RALY: variants seen among roughly 807,000 people sequenced by gnomAD.
RALY encodes RNA-binding protein Raly.
A neutral mutation model predicts 30.7 loss-of-function variants in RALY; 15 were observed. That is an observed-to-expected ratio of 0.49 (90% confidence interval 0.33 to 0.75). The LOEUF (loss-of-function observed/expected upper bound fraction) is 0.75, where lower values mean the gene tolerates loss of function less well. RALY is among the 30% of genes least tolerant of loss of function. The pLI, the probability that RALY is intolerant of heterozygous loss-of-function variation, is 0.02. For missense variants in RALY, 339 were observed against 414.3 expected, an observed-to-expected ratio of 0.82 and a Z score of 1.58; for synonymous variants, 177 against 170.8, an observed-to-expected ratio of 1.04 and a Z score of -0.28.
intron 1 of RALY, among the ~76,000 whole-genome samples, chr20:34,002,715 T>A (rs1184308599): frequency 6.6e-6 from 1 of 152,182 alleles, no homozygotes; most frequent in African/African-American, 2.4e-5. Context: ...TCAAGAATAT[T>A]AGAGTAGGGG....
At chr20:34,064,406 AGATATGGATACCAAT>A (rs1482779939) in intron 2 of RALY, among the ~76,000 whole-genome samples, 1 of 152,140 alleles carries the variant, frequency 6.6e-6, no homozygotes, top group Non-Finnish European at 1.5e-5. Flanking sequence ...AGGGCCCATT[AGATATGGATACCAAT>A]GTCAGTAGTA....
intron 1 of RALY, among the ~76,000 whole-genome samples, chr20:34,001,608 G>A (rs2030917373): frequency 6.6e-6 from 1 of 152,142 alleles, no homozygotes; most frequent in African/African-American, 2.4e-5. Flanking sequence ...TGCTTACATG[G>A]TGTCTCTTGA....
intron 2 of RALY, chr20:34,049,203 G>T (rs546093267): frequency 1.3e-5 from 2 of 154,126 alleles, no homozygotes; most frequent in African/African-American, 2.4e-5. Context: ...CTAGAGTGGA[G>T]AATTGAGGAA....
rs530314754 is a variant in RALY, at chr20:34,018,264, A to C, written c.-92-13258A>C. On this transcript the variant is annotated intron_variant, in intron 1 of 9. Coordinates refer to ENST00000246194, the MANE Select transcript of RALY (RefSeq NM_016732.3). The stretch of plus-strand genomic sequence containing the variant: ...GTAGGGAGGAGAAGATTGATTTATT[A>C]GCAAGTACCAACTGAAACTTATTTC... 2.8e-4 allele frequency among the ~76,000 whole-genome samples: 43 copies of C among 152,358 alleles called. 1 individual carries two copies. Among genetic ancestry groups the C allele is most frequent in the African/African-American group, 9.6e-4 (40 of 41,588 alleles).
chr20:34,063,173 T>C (rs546628487), intron 2 of RALY, among the ~76,000 whole-genome samples: 1 of 152,326 alleles, frequency 6.6e-6, no homozygotes, highest in South Asian at 2.1e-4. Flanking sequence ...CATCACTATC[T>C]CATAGCAGAA....
Position 34,073,983 on chromosome 20 carries a change from T to C in RALY, c.377+117T>C, listed in dbSNP as rs189644248. 5 of 1,194,738 alleles carry C rather than the reference T, an allele frequency of 4.2e-6. No individual in the cohort carries two copies. In the Admixed American group the frequency reaches 1.1e-4, roughly 25 times the overall value. The allele number at this position is 1,194,738 out of a possible 1,614,324, so 74.0% of individuals were successfully genotyped here. On this transcript the variant is annotated intron_variant, in intron 5 of 9. Transcript: ENST00000246194. ...GAGAACCAAAACCCAGAGGTTTGCC[T>C]GGGGTTGCTCCACCAGTCGGTAGCA... is the stretch of plus-strand genomic sequence containing the variant.
chr20:34,073,822 C>T lies in RALY; in HGVS notation c.333C>T (p.Gly111=), dbSNP rs1380463386. ...CCTCTCCCCTTTGTTTCCCCAGTGGCTACATCTTTGACTATGATTACTACC... is the reference window on the plus strand; with the variant it reads ...CCTCTCCCCTTTGTTTCCCCAGTGGTTACATCTTTGACTATGATTACTACC... ...LKRAASAIYS[G]YIFDYDYYRD... Residue 111 remains glycine, a synonymous_variant, in exon 5 of 10, where the codon GGC becomes GGT. Coordinates refer to ENST00000246194, the MANE Select transcript of RALY (RefSeq NM_016732.3). The T allele has an allele frequency of 1.9e-6, 3 of 1,614,126 alleles. No individual in the cohort carries two copies. The highest frequency in any genetic ancestry group is 2.2e-5 in the East Asian group (1 of 44,876).
At chr20:34,005,379 C>T (rs954701357) in intron 1 of RALY, among the ~76,000 whole-genome samples, 9 of 151,982 alleles carry the variant, frequency 5.9e-5, no homozygotes, top group Non-Finnish European at 1.0e-4. Context: ...CGTGGTGGCG[C>T]GTGCCTGTAA....
At chr20:34,000,421 C>T in intron 1 of RALY, among the ~76,000 whole-genome samples, 1 of 152,302 alleles carries the variant, frequency 6.6e-6, no homozygotes, top group African/African-American at 2.4e-5. Context: ...TCTCTCACTT[C>T]TCCCCTCTCT....
At chr20:34,059,618 C>A (rs371029320) in intron 2 of RALY, among the ~76,000 whole-genome samples, 1 of 152,202 alleles carries the variant, frequency 6.6e-6, no homozygotes, top group Non-Finnish European at 1.5e-5. Context: ...CAGGCCCCAG[C>A]GCTCTACAGG....
chr20:34,080,865 C>T lies in RALY; in HGVS notation c.*960C>T, dbSNP rs1002827225. On this transcript the variant is annotated 3_prime_UTR_variant, in exon 10 of 10. Coordinates refer to ENST00000246194, the MANE Select transcript of RALY (RefSeq NM_016732.3). Reference sequence around the variant, plus strand: ...AACCCTACATCTCAGTCTCACAAAACACACAAGTTCTTCACACTCCGGGCA... The same window carrying T: ...AACCCTACATCTCAGTCTCACAAAATACACAAGTTCTTCACACTCCGGGCA... The T allele has an allele frequency of 6.6e-6, 1 of 152,316 alleles. No individual in the cohort carries two copies. Among genetic ancestry groups the T allele is most frequent in the African/African-American group, 2.4e-5 (1 of 41,426 alleles). 9.4% of individuals were successfully genotyped at this position (152,316 alleles called of 1,614,324 possible).
At chr20:34,062,488 G>A (rs1377035023) in intron 2 of RALY, among the ~76,000 whole-genome samples, 1 of 152,200 alleles carries the variant, frequency 6.6e-6, no homozygotes, top group African/African-American at 2.4e-5. Context: ...CAAATTAAGG[G>A]GTAGAAGGGG....
intron 2 of RALY, among the ~76,000 whole-genome samples, chr20:34,053,239 A>G (rs1423611363): frequency 6.6e-6 from 1 of 152,086 alleles, no homozygotes; most frequent in Non-Finnish European, 1.5e-5. Context: ...ATCCCGTGAC[A>G]TAGAGGTTCT....
At chr20:34,057,162 T>C (rs1173126958) in intron 2 of RALY, among the ~76,000 whole-genome samples, 1 of 152,132 alleles carries the variant, frequency 6.6e-6, no homozygotes, top group Non-Finnish European at 1.5e-5. Flanking sequence ...ATAATGCTAA[T>C]TGAAAAAATT....
intron 2 of RALY, among the ~76,000 whole-genome samples, chr20:34,045,359 G>A (rs146692261): frequency 4.8e-4 from 73 of 152,322 alleles, no homozygotes; most frequent in African/African-American, 1.7e-3. Flanking sequence ...ATCATTACCA[G>A]CTGAGAGAAG....
intron 1 of RALY, among the ~76,000 whole-genome samples, chr20:34,013,958 AAAAT>A (rs1344260358): frequency 6.6e-6 from 1 of 152,220 alleles, no homozygotes; most frequent in Non-Finnish European, 1.5e-5. Flanking sequence ...GGGGGTGACT[AAAAT>A]AAAAAATTAT....
At chr20:34,032,628 T>C (rs1284701509) in intron 2 of RALY, among the ~76,000 whole-genome samples, 3 of 152,054 alleles carry the variant, frequency 2.0e-5, no homozygotes, top group Non-Finnish European at 4.4e-5. Flanking sequence ...CCCGAGTAGC[T>C]GGAATTACAG....
intron 2 of RALY, among the ~76,000 whole-genome samples, chr20:34,040,729 G>A (rs1159440612): frequency 1.3e-5 from 2 of 152,178 alleles, no homozygotes; most frequent in African/African-American, 4.8e-5. Flanking sequence ...AACTCATTAA[G>A]CTATTAATAG....
intron 1 of RALY, among the ~76,000 whole-genome samples, chr20:34,029,121 C>G (rs2032165279): frequency 6.6e-6 from 1 of 152,038 alleles, no homozygotes; most frequent in Admixed American, 6.6e-5. Flanking sequence ...AAGAAATATG[C>G]CAGCAGTGCA....
Sources: allele counts gnomAD v4.1 joint callset (sites outside exome capture counted in the v4.1 genomes callset), GRCh38; gene constraint gnomAD v4.1.1; transcripts MANE v1.5; gene names NCBI Gene and HGNC (gene_info 2026-07-23, HGNC 2026-07-21).